C3orf20: variants seen among roughly 807,000 people sequenced by gnomAD.
The protein encoded by C3orf20 is family with sequence similarity 149 member C, also known as uncharacterized protein C3orf20.
C3orf20 carries 76 observed loss-of-function variants against 88.3 expected under a neutral mutation model. The ratio of observed to expected loss-of-function variants is 0.86; its 90% confidence interval spans 0.72 to 1.04. The LOEUF (loss-of-function observed/expected upper bound fraction) is 1.04. Among genes scored for constraint, C3orf20 ranks in the 50% least tolerant of loss-of-function variants. The pLI is 0.00. For missense variants in C3orf20, 1,056 were observed against 1,123.3 expected (o/e 0.94, Z 0.86); for synonymous variants, 436 against 437.4 (o/e 1.00, Z 0.04).
chr3:14,737,710 A>G (rs2034763765), intron 12 of C3orf20, among the ~76,000 whole-genome samples: 1 of 152,150 alleles, frequency 6.6e-6, no homozygotes, highest in African/African-American at 2.4e-5. Flanking sequence ...ACATTAATTA[A>G]TTTTTCCTTT....
intron 13 of C3orf20, 69 bp downstream of exon 13, chr3:14,757,743 C>G: frequency 6.9e-7 from 1 of 1,443,214 alleles, no homozygotes; most frequent in Non-Finnish European, 9.4e-7. Flanking sequence ...CCGAGAAAAC[C>G]CCCACAGTGC....
intron 12 of C3orf20, among the ~76,000 whole-genome samples, chr3:14,738,164 C>CTTT (rs35948176): frequency 0.013 from 1,393 of 107,320 alleles, 74 homozygotes; most frequent in African/African-American, 0.05. Flanking sequence ...ACAAATATTC[C>CTTT]TTTTTTTTTT....
intron 11 of C3orf20, 30 bp from the exon 12 acceptor site, chr3:14,728,409 G>A: frequency 2.5e-6 from 4 of 1,612,160 alleles, no homozygotes; most frequent in Non-Finnish European, 3.4e-6. Flanking sequence ...GCCATGAAGG[G>A]AAAATGACAG....
intron 5 of C3orf20, 75 bp from the exon 6 acceptor site, chr3:14,703,055 C>A (rs776854566): frequency 1.3e-6 from 2 of 1,546,776 alleles, no homozygotes; most frequent in South Asian, 1.1e-5. Flanking sequence ...GGTCTCACAT[C>A]CAGGTGACAC....
chr3:14,686,279 T>C (rs2032428274), intron 4 of C3orf20, among the ~76,000 whole-genome samples: 1 of 152,190 alleles, frequency 6.6e-6, no homozygotes, highest in African/African-American at 2.4e-5. Flanking sequence ...GCTATGTGAA[T>C]AATACTGCAA....
At chr3:14,726,098 C>T (rs1303195471) in intron 10 of C3orf20, among the ~76,000 whole-genome samples, 1 of 152,220 alleles carries the variant, frequency 6.6e-6, no homozygotes, top group Admixed American at 6.5e-5. Flanking sequence ...GGGAAACAGA[C>T]TGTGGAATGG....
intron 15 of C3orf20, among the ~76,000 whole-genome samples, chr3:14,762,336 C>G (rs1451268954): frequency 1.3e-5 from 2 of 152,224 alleles, no homozygotes; most frequent in African/African-American, 2.4e-5. Context: ...GGGCCCAGCT[C>G]TCGTGAGATG....
intron 15 of C3orf20, among the ~76,000 whole-genome samples, chr3:14,762,250 G>C (rs546718612): frequency 6.6e-6 from 1 of 152,230 alleles, no homozygotes; most frequent in African/African-American, 2.4e-5. Flanking sequence ...AGCAGGAAAT[G>C]CTGGCTTAAG....
At chr3:14,743,514 G>A (rs1237008864) in intron 12 of C3orf20, among the ~76,000 whole-genome samples, 2 of 151,986 alleles carry the variant, frequency 1.3e-5, no homozygotes, top group East Asian at 1.9e-4. Flanking sequence ...CCATTCTGGG[G>A]TCTGGAGGAC....
At chr3:14,707,820 C>CTTTTTT (rs60474912) in intron 7 of C3orf20, among the ~76,000 whole-genome samples, 9,568 of 122,006 alleles carry the variant, frequency 0.078, 1,025 homozygotes, top group African/African-American at 0.18. Context: ...GTGTTTTCCT[C>CTTTTTT]TTTTTTTTTT....
chr3:14,724,829 G>T (rs181577988), intron 10 of C3orf20, among the ~76,000 whole-genome samples: 1 of 152,320 alleles, frequency 6.6e-6, no homozygotes, highest in African/African-American at 2.4e-5. Context: ...TGGGCTAGAA[G>T]GTAGAGTCTC....
chr3:14,714,282 T>G, intron 8 of C3orf20, 123 bp downstream of exon 8: 1 of 1,094,864 alleles, frequency 9.1e-7, no homozygotes, highest in South Asian at 1.4e-5. Context: ...AGAGATCTAG[T>G]AAGGCAGTGA....
At chr3:14,722,144 C>T in intron 10 of C3orf20, 1 of 286,940 alleles carries the variant, frequency 3.5e-6, no homozygotes, top group Non-Finnish European at 6.8e-6. Flanking sequence ...CTCTGCTTTC[C>T]TCTTTGTTGG....
At chr3:14,722,463 T>C (rs1227848702) in intron 10 of C3orf20, 3 of 456,526 alleles carry the variant, frequency 6.6e-6, no homozygotes, top group East Asian at 6.9e-5. Flanking sequence ...AGAGTTTCCC[T>C]AAAGGAAAAT....
intron 1 of C3orf20, among the ~76,000 whole-genome samples, chr3:14,678,087 A>G (rs2031880287): frequency 6.6e-6 from 1 of 152,038 alleles, no homozygotes; most frequent in Non-Finnish European, 1.5e-5. Flanking sequence ...CTGTTCCACA[A>G]ACTTGTCAGG....
At chr3:14,740,847 G>T (rs1251056310) in intron 12 of C3orf20, among the ~76,000 whole-genome samples, 1 of 151,758 alleles carries the variant, frequency 6.6e-6, no homozygotes, top group East Asian at 1.9e-4. Flanking sequence ...AATTTCCAGT[G>T]GATTCATTTT....
In C3orf20 at chr3:14,684,384, T is replaced by C. The variant is rs537495716; in HGVS notation, c.625+2T>C. 2 of 1,613,470 alleles carry C rather than the reference T, an allele frequency of 1.2e-6. No homozygotes were observed. The highest frequency in any genetic ancestry group is 2.7e-5 in the African/African-American group (2 of 74,946). Reference sequence around the variant, plus strand: ...ACAGCAGCGGACAGTTGTGGAAAGGTGGGTACCTGAGCTTCAACCCTTAGG... The same window carrying C: ...ACAGCAGCGGACAGTTGTGGAAAGGCGGGTACCTGAGCTTCAACCCTTAGG... On this transcript the variant is annotated splice_donor_variant, in intron 4 of 16. Coordinates refer to ENST00000253697, the MANE Select transcript of C3orf20 (RefSeq NM_032137.5). LOFTEE classifies it high-confidence loss of function.
Position 14,715,369 on chromosome 3 carries a change from G to T in C3orf20, c.1394G>T (p.Trp465Leu). The T allele has an allele frequency of 6.2e-7, 1 of 1,612,380 alleles. No individual in the cohort carries two copies. The highest frequency in any genetic ancestry group is 8.5e-7 in the Non-Finnish European group (1 of 1,179,748). ...GGCTATGTAGTCCACAAGTGGAGCTGGACTTCCAGGACAGAGACCCTGCTT... is the reference window on the plus strand; with the variant it reads ...GGCTATGTAGTCCACAAGTGGAGCTTGACTTCCAGGACAGAGACCCTGCTT... ...QQGYVVHKWS[W>L]TSRTETLLSL... Residue 465 changes from tryptophan (W) to leucine (L), a missense_variant, in exon 9 of 17, where the codon TGG becomes TTG. Transcript: ENST00000253697.
chr3:14,735,781 G>A lies in C3orf20; in HGVS notation c.1940+7093G>A, dbSNP rs372750086. ...GCTAATTTTTTGTATTTTTAGTAGA[G>A]ATGGGATTTCACCATGTTGGCCAGG... On this transcript the variant is annotated intron_variant, in intron 12 of 16. Transcript: ENST00000253697. Among the ~76,000 whole-genome samples, 33 of 152,082 alleles carry A rather than the reference G, an allele frequency of 2.2e-4. No homozygotes were observed. The East Asian group carries it at 5.6e-3, about 26-fold the overall frequency.
Sources: allele counts gnomAD v4.1 joint callset (sites outside exome capture counted in the v4.1 genomes callset), GRCh38; gene constraint gnomAD v4.1.1; transcripts MANE v1.5; gene names NCBI Gene and HGNC (gene_info 2026-07-23, HGNC 2026-07-21).